Variants in ACTR3C observed in about 807,000 individuals in gnomAD.
ACTR3C encodes actin related protein 3C, also known as actin-related protein 3C.
In ACTR3C, 18 loss-of-function variants were observed where a neutral mutation model predicts 26.3. The ratio of observed to expected loss-of-function variants is 0.68; its 90% CI spans 0.47 to 1.01. The LOEUF is 1.01. ACTR3C is among the 50% of genes least tolerant of loss of function. The pLI is 0.00. For missense variants in ACTR3C, 184 were observed against 250.7 expected, an observed-to-expected ratio of 0.73 and a Z score of 1.80; for synonymous variants, 55 against 94.5, an observed-to-expected ratio of 0.58 and a Z score of 2.42.
At chr7:149,933,397 A>T in the ACTR3C span, among the ~76,000 whole-genome samples, 1 of 152,002 alleles carries the variant, frequency 6.6e-6, no homozygotes, top group African/African-American at 2.4e-5. Flanking sequence ...GTGCGTATAC[A>T]TCTTGCAAAT....
chr7:150,005,232 G>T, the ACTR3C span: 1 of 152,148 alleles, frequency 6.6e-6, no homozygotes, highest in African/African-American at 2.4e-5. Flanking sequence ...ACACAGGTGG[G>T]AGAGCAGGTA....
At chr7:150,003,558 G>C in the ACTR3C span, among the ~76,000 whole-genome samples, 2 of 152,122 alleles carry the variant, frequency 1.3e-5, no homozygotes, top group South Asian at 4.1e-4. Flanking sequence ...GTGGTATGTA[G>C]GATGTGTGTT....
At chr7:150,231,267 A>C in the ACTR3C span, among the ~76,000 whole-genome samples, 1 of 152,086 alleles carries the variant, frequency 6.6e-6, no homozygotes, top group Non-Finnish European at 1.5e-5. Context: ...TCTCATGTTC[A>C]AATTTGATCC....
chr7:150,221,655 C>T, the ACTR3C span, among the ~76,000 whole-genome samples: 1 of 152,170 alleles, frequency 6.6e-6, no homozygotes, highest in Admixed American at 6.5e-5. Flanking sequence ...TTTATGAGGA[C>T]CAGAGCTGCA....
chr7:150,049,106 G>A, the ACTR3C span, among the ~76,000 whole-genome samples: 2 of 128,698 alleles, frequency 1.6e-5, no homozygotes, highest in Non-Finnish European at 3.3e-5. Flanking sequence ...TCTCGGGCTT[G>A]CCTCCTGCCC....
the ACTR3C span, among the ~76,000 whole-genome samples, chr7:150,146,034 G>T: frequency 6.6e-6 from 1 of 151,978 alleles, no homozygotes; most frequent in East Asian, 1.9e-4. Flanking sequence ...GTCTATAGTT[G>T]CTTATTAAGT....
At chr7:150,059,716 G>T in the ACTR3C span, among the ~76,000 whole-genome samples, 1 of 152,314 alleles carries the variant, frequency 6.6e-6, no homozygotes, top group East Asian at 1.9e-4. Context: ...GCAAAACCCT[G>T]TTGCCCTAAA....
the ACTR3C span, among the ~76,000 whole-genome samples, chr7:150,231,523 G>A: frequency 6.6e-6 from 1 of 150,436 alleles, no homozygotes; most frequent in Non-Finnish European, 1.5e-5. Context: ...CTTCCTGAAG[G>A]GCTCCAGGAA....
chr7:150,266,444 A>C (rs192497921), intron 6 of ACTR3C, among the ~76,000 whole-genome samples: 4 of 151,722 alleles, frequency 2.6e-5, no homozygotes, highest in Admixed American at 2.6e-4. Flanking sequence ...TTTATCACTG[A>C]GTTAAATGTA....
At chr7:149,953,615 C>T in the ACTR3C span, among the ~76,000 whole-genome samples, 9 of 152,290 alleles carry the variant, frequency 5.9e-5, no homozygotes, top group South Asian at 2.1e-4. Flanking sequence ...GGATTGGGAA[C>T]GGTCAGAAAA....
At chr7:149,892,765 C>A in the ACTR3C span, among the ~76,000 whole-genome samples, 8 of 127,168 alleles carry the variant, frequency 6.3e-5, no homozygotes, top group African/African-American at 1.8e-4. Context: ...GGACAAAATT[C>A]TGTACAATAC....
At chr7:149,957,625 T>A in the ACTR3C span, among the ~76,000 whole-genome samples, 8,181 of 147,978 alleles carry the variant, frequency 0.055, 35 homozygotes, top group African/African-American at 0.19. Context: ...AGTTACACCT[T>A]CAGGTTCCCT....
chr7:150,309,304 C>T (rs143291727), intron 1 of ACTR3C, among the ~76,000 whole-genome samples: 113 of 152,328 alleles, frequency 7.4e-4, no homozygotes, highest in African/African-American at 2.7e-3. Context: ...CCCTTAGACG[C>T]TTTACAGCCC....
At chr7:150,180,033 C>A in the ACTR3C span, among the ~76,000 whole-genome samples, 1 of 151,110 alleles carries the variant, frequency 6.6e-6, no homozygotes, top group Admixed American at 6.6e-5. Flanking sequence ...TGGCCGGGCG[C>A]AGTGGCTCAT....
intron 1 of ACTR3C, among the ~76,000 whole-genome samples, chr7:150,307,201 T>C (rs190892801): frequency 7.6e-4 from 116 of 152,332 alleles, no homozygotes; most frequent in Middle Eastern, 3.4e-3. Flanking sequence ...ATAGGAAATA[T>C]CAATCAAATA....
the ACTR3C span, among the ~76,000 whole-genome samples, chr7:149,918,214 C>T: frequency 1.3e-5 from 2 of 151,982 alleles, no homozygotes; most frequent in African/African-American, 4.8e-5. Context: ...TCATAAAGCA[C>T]ACTGCCCTTT....
At chr7:150,103,508 A>G in the ACTR3C span, among the ~76,000 whole-genome samples, 1 of 151,662 alleles carries the variant, frequency 6.6e-6, no homozygotes, top group Non-Finnish European at 1.5e-5. Context: ...CTCCAATTTA[A>G]CCTTGGAGGA....
At chr7:150,122,550 GCCAGTT>G in the ACTR3C span, among the ~76,000 whole-genome samples, 2 of 152,248 alleles carry the variant, frequency 1.3e-5, no homozygotes, top group Non-Finnish European at 2.9e-5. Context: ...ACCATCTCAC[GCCAGTT>G]AGAATGGCGA....
chr7:150,103,812 T>C, the ACTR3C span, among the ~76,000 whole-genome samples: 1 of 152,014 alleles, frequency 6.6e-6, no homozygotes, highest in Admixed American at 6.6e-5. Flanking sequence ...TACATACACA[T>C]GATTGGTTTC....
Sources: allele counts gnomAD v4.1 joint callset (sites outside exome capture counted in the v4.1 genomes callset), GRCh38; gene constraint gnomAD v4.1.1; transcripts MANE v1.5; gene names NCBI Gene and HGNC (gene_info 2026-07-23, HGNC 2026-07-21).